The following KLHL29 variants were observed in gnomAD, a reference collection of about 807,000 sequenced individuals.
The protein encoded by KLHL29 is kelch-like protein 29.
A neutral mutation model predicts 80.4 loss-of-function variants in KLHL29; 21 were observed. That is an observed-to-expected ratio of 0.26 (90% confidence interval 0.19 to 0.38). The LOEUF is 0.38. KLHL29 is among the 10% of genes least tolerant of loss of function. KLHL29 has a pLI of 1.00. For missense variants in KLHL29, 867 were observed against 1,223.9 expected (o/e 0.71, Z 4.35); for synonymous variants, 511 against 526.8 (o/e 0.97, Z 0.41).
chr2:23,574,880 C>T (rs1482073540), intron 3 of KLHL29, among the ~76,000 whole-genome samples: 1 of 152,124 alleles, frequency 6.6e-6, no homozygotes, highest in Admixed American at 6.5e-5. Flanking sequence ...AGAACAGAAG[C>T]CCATCAGATG....
At chr2:23,510,867 G>A (rs950316745) in intron 2 of KLHL29, among the ~76,000 whole-genome samples, 1 of 152,212 alleles carries the variant, frequency 6.6e-6, no homozygotes, top group Non-Finnish European at 1.5e-5. Context: ...GGGACAGCAC[G>A]TCACTGCCCT....
chr2:23,548,725 G>A (rs1043595519), intron 2 of KLHL29, among the ~76,000 whole-genome samples: 2 of 152,202 alleles, frequency 1.3e-5, no homozygotes, highest in African/African-American at 4.8e-5. Context: ...AGCGTACCTC[G>A]CCGAAGCCAT....
intron 5 of KLHL29, among the ~76,000 whole-genome samples, chr2:23,675,167 C>T (rs868581682): frequency 1.3e-5 from 2 of 152,188 alleles, no homozygotes; most frequent in African/African-American, 4.8e-5. Context: ...TCGGAATATT[C>T]CCATCACCCC....
chr2:23,464,301 A>G (rs541146154), intron 1 of KLHL29, among the ~76,000 whole-genome samples: 13 of 152,332 alleles, frequency 8.5e-5, no homozygotes, highest in Admixed American at 8.5e-4. Context: ...CGGAGCCCCC[A>G]GAGCCCTTGC....
intron 1 of KLHL29, among the ~76,000 whole-genome samples, chr2:23,433,655 T>C (rs1467113660): frequency 6.6e-6 from 1 of 152,148 alleles, no homozygotes; most frequent in African/African-American, 2.4e-5. Context: ...GGCTTACACT[T>C]GTAATCCCAG....
chr2:23,609,618 G>A (rs1558407288), intron 3 of KLHL29, among the ~76,000 whole-genome samples: 1 of 152,022 alleles, frequency 6.6e-6, no homozygotes, highest in Non-Finnish European at 1.5e-5. Context: ...GCCTAGAGAT[G>A]GGTAATAGTG....
At chr2:23,467,814 G>T (rs1342110337) in intron 1 of KLHL29, among the ~76,000 whole-genome samples, 1 of 152,104 alleles carries the variant, frequency 6.6e-6, no homozygotes, top group Non-Finnish European at 1.5e-5. Context: ...GCGGAGAGTG[G>T]TCGCTGACCA....
intron 3 of KLHL29, chr2:23,618,109 G>A (rs893527654): frequency 6.6e-6 from 1 of 152,124 alleles, no homozygotes; most frequent in African/African-American, 2.4e-5. Flanking sequence ...GAGTGCCAGA[G>A]GAAAAGTTCC....
Position 23,696,571 on chromosome 2 carries a change from A to C in KLHL29, c.2105+58A>C. The C allele has an allele frequency of 7.4e-7, 1 of 1,349,740 alleles. No individual in the cohort carries two copies. Among genetic ancestry groups the C allele is most frequent in the Non-Finnish European group, 1.0e-6 (1 of 997,348 alleles). The allele number at this position is 1,349,740 out of a possible 1,614,324, so 83.6% of individuals were successfully genotyped here. On this transcript the variant is annotated intron_variant, in intron 11 of 13. Transcript: ENST00000486442. This position sits in a 1 kb window ranked among gnomAD's most constrained non-coding sequence, Gnocchi z 5.5. ...TCTTTGCTCACCAAGAACTGAAATC[A>C]CGTCACTCACTGTACCTCCCAACAC...
chr2:23,490,758 C>T (rs935511663), intron 2 of KLHL29, among the ~76,000 whole-genome samples: 2 of 152,154 alleles, frequency 1.3e-5, no homozygotes, highest in African/African-American at 4.8e-5. Context: ...GGTTCATACC[C>T]TTCCCTCCTC....
intron 3 of KLHL29, among the ~76,000 whole-genome samples, chr2:23,595,933 C>T (rs924118932): frequency 6.6e-6 from 1 of 152,210 alleles, no homozygotes; most frequent in Non-Finnish European, 1.5e-5. Flanking sequence ...TCCTGCATCC[C>T]CATCCCATCC....
At chr2:23,614,752 AG>A (rs1463734244) in intron 3 of KLHL29, among the ~76,000 whole-genome samples, 3 of 152,118 alleles carry the variant, frequency 2.0e-5, no homozygotes, top group Non-Finnish European at 4.4e-5. Context: ...GTAAGAAAGG[AG>A]GTCACTCGGG....
chr2:23,486,852 C>T (rs1348285056), intron 2 of KLHL29, among the ~76,000 whole-genome samples: 5 of 152,168 alleles, frequency 3.3e-5, no homozygotes, highest in Admixed American at 3.3e-4. Context: ...AAAGGCATCA[C>T]CCCTCCCCTG....
At chr2:23,529,028 A>G (rs917291139) in intron 2 of KLHL29, among the ~76,000 whole-genome samples, 26 of 151,926 alleles carry the variant, frequency 1.7e-4, no homozygotes, top group Admixed American at 1.5e-3. Flanking sequence ...GTCACTAGAA[A>G]CCTCTCTTTG....
In KLHL29 at chr2:23,647,598, C is replaced by G. The variant is rs1669974957; in HGVS notation, c.940+4748C>G. ...TCACCTCTGGCCTGCACACTGGCCT[C>G]CCAGCCCACAGTGCATTCCTTCCAG... On this transcript the variant is annotated intron_variant, in intron 5 of 13. Coordinates refer to ENST00000486442, the MANE Select transcript of KLHL29 (RefSeq NM_052920.2). This position sits in a 1 kb window ranked among gnomAD's most constrained non-coding sequence, Gnocchi z 4.9. Among the ~76,000 whole-genome samples the G allele has an allele frequency of 2.6e-5, 4 of 152,182 alleles. No homozygotes were observed. The highest frequency in any genetic ancestry group is 2.6e-4 in the Admixed American group (4 of 15,280).
intron 2 of KLHL29, among the ~76,000 whole-genome samples, chr2:23,486,772 C>G (rs571621013): frequency 6.6e-6 from 1 of 152,328 alleles, no homozygotes; most frequent in South Asian, 2.1e-4. Flanking sequence ...CTGGTGTCAA[C>G]AGGGCCCATC....
At chr2:23,609,759 C>T (rs1194707579) in intron 3 of KLHL29, among the ~76,000 whole-genome samples, 1 of 152,146 alleles carries the variant, frequency 6.6e-6, no homozygotes, top group Non-Finnish European at 1.5e-5. Flanking sequence ...TTGGTTCAAC[C>T]TTCCAACAAA....
chr2:23,389,234 C>G (rs144003198), intron 1 of KLHL29, among the ~76,000 whole-genome samples: 4 of 152,096 alleles, frequency 2.6e-5, no homozygotes, highest in Non-Finnish European at 5.9e-5. Context: ...GTCCACTGAA[C>G]AGGCAGTTTT....
At chr2:23,622,193 A>T (rs1221729217) in intron 3 of KLHL29, among the ~76,000 whole-genome samples, 7 of 152,088 alleles carry the variant, frequency 4.6e-5, no homozygotes, top group Non-Finnish European at 8.8e-5. Context: ...AGGAACAGGG[A>T]CTCAAACCCC....
Sources: gnomAD v4.1 joint callset for allele counts (sites outside exome capture counted in the v4.1 genomes callset) on GRCh38, gnomAD v4.1.1 for gene constraint, Gnocchi (gnomAD v3.1) non-coding constraint, MANE v1.5 for transcripts, NCBI Gene and HGNC (gene_info 2026-07-23, HGNC 2026-07-21) for gene names.